ANKRD11: variants seen among roughly 807,000 people sequenced by gnomAD.
ANKRD11 encodes the protein ankyrin repeat domain 11, also known as ankyrin repeat domain-containing protein 11.
ANKRD11 carries 17 observed loss-of-function variants against 195.7 expected under a neutral mutation model. The observed-to-expected ratio is 0.09, with a 90% CI of 0.06 to 0.13. ANKRD11 has a LOEUF of 0.13. Among genes scored for constraint, ANKRD11 ranks in the 10% least tolerant of loss-of-function variants. The pLI, the probability that ANKRD11 is intolerant of heterozygous loss-of-function variation, is 1.00. For synonymous variants in ANKRD11, 1,953 were observed against 1,528.1 expected (o/e 1.28, Z -6.49); for missense variants, 3,735 against 3,566.1 (o/e 1.05, Z -1.21).
At chr16:89,486,188 A>C (rs966983264) in intron 1 of ANKRD11, among the ~76,000 whole-genome samples, 2 of 152,218 alleles carry the variant, frequency 1.3e-5, no homozygotes, top group African/African-American at 4.8e-5. Flanking sequence ...ACAGTGGCTC[A>C]TGCCTATAAT....
intron 1 of ANKRD11, among the ~76,000 whole-genome samples, chr16:89,487,446 G>A (rs776594936): frequency 5.3e-5 from 8 of 152,180 alleles, no homozygotes; most frequent in Non-Finnish European, 8.8e-5. Context: ...TATATTTGAT[G>A]AAGCATAACC....
At chr16:89,310,667 G>A (rs1002254096) in intron 3 of ANKRD11, among the ~76,000 whole-genome samples, 2 of 152,100 alleles carry the variant, frequency 1.3e-5, no homozygotes, top group Admixed American at 1.3e-4. Flanking sequence ...GCACATCTTC[G>A]GTCAAATTTA....
At chr16:89,330,636 A>G (rs2038002256) in intron 2 of ANKRD11, among the ~76,000 whole-genome samples, 2 of 102,676 alleles carry the variant, frequency 1.9e-5, no homozygotes, top group Admixed American at 2.8e-4. Flanking sequence ...ACACGGCAGT[A>G]GGTTTCCCCA....
At chr16:89,290,565 T>C (rs1302908698) in intron 6 of ANKRD11, 60 bp downstream of exon 6, 1 of 1,544,898 alleles carries the variant, frequency 6.5e-7, no homozygotes, top group Non-Finnish European at 8.7e-7. Context: ...AGGACTCCAC[T>C]GGGGGAGGCT....
chr16:89,426,529 T>TCATACACACACACACACACA (rs2042721722), intron 1 of ANKRD11, among the ~76,000 whole-genome samples: 2 of 142,258 alleles, frequency 1.4e-5, no homozygotes, highest in African/African-American at 5.3e-5. Flanking sequence ...CACTTAAACA[T>TCATACACACACACACACACA]CACACACACA....
At chr16:89,276,499 C>T (rs955651401) in intron 9 of ANKRD11, among the ~76,000 whole-genome samples, 7 of 152,154 alleles carry the variant, frequency 4.6e-5, no homozygotes, top group Non-Finnish European at 8.8e-5. Context: ...CAGAAGGCCC[C>T]GCCTCACGCC....
At chr16:89,334,141 T>TA (rs143546813) in intron 2 of ANKRD11, among the ~76,000 whole-genome samples, 4 of 115,576 alleles carry the variant, frequency 3.5e-5, no homozygotes, top group Non-Finnish European at 5.0e-5. Context: ...AAACCCTGTG[T>TA]TTTAAAAAAA....
At chr16:89,397,660 A>G (rs1049044975) in intron 2 of ANKRD11, among the ~76,000 whole-genome samples, 1 of 152,236 alleles carries the variant, frequency 6.6e-6, no homozygotes, top group Non-Finnish European at 1.5e-5. Context: ...GGTAAGACAC[A>G]GTTCCCAGTT....
chr16:89,358,265 A>G (rs1386991767), intron 2 of ANKRD11, among the ~76,000 whole-genome samples: 1 of 152,242 alleles, frequency 6.6e-6, no homozygotes, highest in African/African-American at 2.4e-5. Flanking sequence ...CGGCTTGCAG[A>G]AGACGTAGAG....
rs772860737 is a variant in ANKRD11, at chr16:89,291,199, G to A, written c.227-16C>T. 1 of 1,612,250 alleles carries A rather than the reference G, an allele frequency of 6.2e-7. No homozygotes were observed. Among genetic ancestry groups the A allele is most frequent in the South Asian group, 1.1e-5 (1 of 91,068 alleles). ...CCCTGCTTCTCTGTGAGGCGGGCGA[G>A]GGAGAGAGGGAGGAGAGATTTCATG... On this transcript the variant is annotated splice_polypyrimidine_tract_variant and intron_variant, in intron 4 of 12. Transcript: ENST00000301030. This position sits in a 1 kb window ranked among gnomAD's most constrained non-coding sequence, Gnocchi z 5.3.
intron 2 of ANKRD11, among the ~76,000 whole-genome samples, chr16:89,387,747 A>T (rs1000905759): frequency 6.6e-6 from 1 of 151,682 alleles, no homozygotes; most frequent in South Asian, 2.1e-4. Context: ...TTGCGCCTGT[A>T]ATCCCAACAC....
intron 2 of ANKRD11, among the ~76,000 whole-genome samples, chr16:89,364,210 C>G (rs1011193426): frequency 1.3e-5 from 2 of 152,230 alleles, no homozygotes; most frequent in Admixed American, 1.3e-4. Flanking sequence ...CCTGTGCCCT[C>G]AGGCAACATG....
chr16:89,383,310 G>C (rs1481614714), intron 2 of ANKRD11, among the ~76,000 whole-genome samples: 1 of 152,232 alleles, frequency 6.6e-6, no homozygotes, highest in Non-Finnish European at 1.5e-5. Flanking sequence ...ACCCCTCCTA[G>C]CCATGCCTGC....
At chr16:89,417,852 G>C (rs1421154037) in intron 2 of ANKRD11, among the ~76,000 whole-genome samples, 2 of 152,012 alleles carry the variant, frequency 1.3e-5, no homozygotes, top group Non-Finnish European at 2.9e-5. Context: ...AGACCACCAG[G>C]ATCCTAACGA....
chr16:89,379,782 A>G (rs1432679245), intron 2 of ANKRD11, among the ~76,000 whole-genome samples: 1 of 152,272 alleles, frequency 6.6e-6, no homozygotes, highest in Admixed American at 6.5e-5. Flanking sequence ...CAACGGGCAA[A>G]GAAGATGTCA....
At chr16:89,414,836 G>A (rs944582562) in intron 2 of ANKRD11, among the ~76,000 whole-genome samples, 2 of 152,204 alleles carry the variant, frequency 1.3e-5, no homozygotes, top group Non-Finnish European at 2.9e-5. Context: ...TACTGAAGAA[G>A]CGACTGTGGA....
At chr16:89,300,833 A>G in intron 4 of ANKRD11, 1 of 701,888 alleles carries the variant, frequency 1.4e-6, no homozygotes, top group East Asian at 2.7e-5. Context: ...AAAGCAAAAT[A>G]AGAAAATCAT....
At position 89,334,144 on chromosome 16, in the gene ANKRD11, TAAA is replaced by T. The variant is rs869142504; in HGVS notation, c.-59-17069_-59-17067del. ...GGTAACATGATGAAACCCTGTGTTTTAAAAAAAAAAAAAAAAAAAAAAAAAAAA... is the reference window on the plus strand; with the variant it reads ...GGTAACATGATGAAACCCTGTGTTTTAAAAAAAAAAAAAAAAAAAAAAAAA... On this transcript the variant is annotated intron_variant, in intron 2 of 12. Transcript: ENST00000301030. Among the ~76,000 whole-genome samples, 123 of 41,414 alleles carry T rather than the reference TAAA, an allele frequency of 3.0e-3. 5 individuals carry two copies. The highest frequency in any genetic ancestry group is 0.011 in the African/African-American group (115 of 10,448). The allele number at this position is 41,414 out of a possible 152,430, so 27.2% of individuals were successfully genotyped here. A position where few individuals can be genotyped will look rare whatever the true frequency, so the allele number is the denominator to read the frequency against.
In ANKRD11 at chr16:89,280,113, C is replaced by A. The variant is rs1249137246; in HGVS notation, c.6429G>T (p.Leu2143=). Residue 2143 remains leucine (L), a synonymous_variant, in exon 9 of 13, where the codon CTG becomes CTT. Transcript: ENST00000301030. ...CACCATCTGCGGCATCTTTAGTCTG[C>A]AGGGGAAGCTCCGGCAGGGAGAAGG... ...LGPFSLPELP[L]QTKDAADGEA... 1 of 1,612,816 alleles carries A rather than the reference C, an allele frequency of 6.2e-7. No individual in the cohort carries two copies. Among genetic ancestry groups the A allele is most frequent in the Non-Finnish European group, 8.5e-7 (1 of 1,179,776 alleles).
Sources: allele counts gnomAD v4.1 joint callset (sites outside exome capture counted in the v4.1 genomes callset), GRCh38; gene constraint gnomAD v4.1.1; non-coding constraint Gnocchi (gnomAD v3.1); transcripts MANE v1.5; gene names NCBI Gene and HGNC (gene_info 2026-07-23, HGNC 2026-07-21).